Variants in SAMD8 observed in about 807,000 individuals in gnomAD.
SAMD8 encodes the protein sphingomyelin synthase-related protein 1.
Under a neutral mutation model 42.0 loss-of-function variants are expected in SAMD8, and 20 were observed. That is an observed-to-expected ratio of 0.48 (90% CI 0.34 to 0.69). The LOEUF is 0.69. Ranked by LOEUF, SAMD8 falls within the 30% of genes least tolerant of loss-of-function variation. The pLI is 0.01. For missense variants in SAMD8, 328 were observed against 511.6 expected, an observed-to-expected ratio of 0.64 and a Z score of 3.46; for synonymous variants, 162 against 173.0, an observed-to-expected ratio of 0.94 and a Z score of 0.50.
chr10:75,126,337 A>G (rs1849132931), intron 1 of SAMD8, among the ~76,000 whole-genome samples: 2 of 151,998 alleles, frequency 1.3e-5, no homozygotes, highest in African/African-American at 4.8e-5. Context: ...ACTAATTATG[A>G]CTCTCTTTAA....
At chr10:75,151,489 G>T (rs1402578797) in intron 2 of SAMD8, among the ~76,000 whole-genome samples, 1 of 151,828 alleles carries the variant, frequency 6.6e-6, no homozygotes, top group Non-Finnish European at 1.5e-5. Context: ...AGGAAACTGG[G>T]ACTGTAGACA....
intron 3 of SAMD8, among the ~76,000 whole-genome samples, chr10:75,165,897 G>A (rs1246930751): frequency 2.0e-5 from 3 of 147,572 alleles, no homozygotes; most frequent in African/African-American, 7.6e-5. Context: ...GATTGCTTGA[G>A]CCCAGGAGGT....
chr10:75,160,545 G>C (rs1380131087), intron 2 of SAMD8, among the ~76,000 whole-genome samples: 1 of 152,080 alleles, frequency 6.6e-6, no homozygotes, highest in Non-Finnish European at 1.5e-5. Context: ...ACATATCCAT[G>C]TATAATGCAT....
chr10:75,132,645 A>C (rs141493603), intron 1 of SAMD8, among the ~76,000 whole-genome samples: 2 of 152,270 alleles, frequency 1.3e-5, no homozygotes, highest in African/African-American at 4.8e-5. Context: ...GAAATATGTA[A>C]TAAAATCTTT....
At chr10:75,123,056 C>T (rs892804465) in intron 1 of SAMD8, among the ~76,000 whole-genome samples, 6 of 151,846 alleles carry the variant, frequency 4.0e-5, no homozygotes, top group African/African-American at 1.5e-4. Flanking sequence ...GGATATTGGC[C>T]CTTCTACAGA....
upstream of SAMD8, among the ~76,000 whole-genome samples, chr10:75,107,839 A>T (rs1848608705): frequency 1.3e-5 from 2 of 152,152 alleles, no homozygotes; most frequent in Admixed American, 1.3e-4. Context: ...GGCCTCCCAA[A>T]GTGCTAGGAT....
chr10:75,165,999 GA>G, intron 3 of SAMD8, among the ~76,000 whole-genome samples: 1 of 136,640 alleles, frequency 7.3e-6, no homozygotes, highest in East Asian at 2.1e-4. Flanking sequence ...AAAAAAAAAA[GA>G]AAGATTATTT....
Position 75,181,056 on chromosome 10 carries a change from G to A in SAMD8, c.*4364G>A, listed in dbSNP as rs1337747473. The A allele has an allele frequency of 6.6e-6, 1 of 152,042 alleles. No homozygotes were observed. Among genetic ancestry groups the A allele is most frequent in the East Asian group, 1.9e-4 (1 of 5,198 alleles). The allele number at this position is 152,042 out of a possible 1,614,324, so 9.4% of individuals were successfully genotyped here. A position where few individuals can be genotyped will look rare whatever the true frequency, so the allele number is the denominator to read the frequency against. On this transcript the variant is annotated 3_prime_UTR_variant, in exon 6 of 6. Transcript: ENST00000542569. Reference sequence around the variant, plus strand: ...AGACTTACATTTTCTTCATACTAAAGGTAATGATAATATAGTCATTTGCCA... The same window carrying A: ...AGACTTACATTTTCTTCATACTAAAAGTAATGATAATATAGTCATTTGCCA...
At position 75,168,633 on chromosome 10, in the gene SAMD8, G is replaced by T; in HGVS notation, c.767G>T (p.Gly256Val). The T allele has an allele frequency of 6.2e-7, 1 of 1,612,110 alleles. No individual in the cohort carries two copies. The highest frequency in any genetic ancestry group is 8.5e-7 in the Non-Finnish European group (1 of 1,178,222). The change falls in exon 4 of 6, where the codon GGA becomes GTA. Residue 256 changes from glycine (G) to valine (V), a missense_variant. Gly to Val is a moderately radical substitution (Grantham distance 109, BLOSUM62 -3). Coordinates refer to ENST00000542569, the MANE Select transcript of SAMD8 (RefSeq NM_001174156.2). The stretch of plus-strand genomic sequence containing the variant: ...TTTGTGACCTCCCTCTCCGTGCCAG[G>T]ACAACACCTGCAGTGTACTGGAAAG... ...TMFVTSLSVP[G>V]QHLQCTGKIY...
intron 2 of SAMD8, among the ~76,000 whole-genome samples, chr10:75,153,895 G>T (rs1004700792): frequency 6.6e-6 from 1 of 151,894 alleles, no homozygotes; most frequent in Non-Finnish European, 1.5e-5. Flanking sequence ...CTCCCAAGTA[G>T]CTGGGATTAC....
intron 4 of SAMD8, among the ~76,000 whole-genome samples, chr10:75,172,448 C>A (rs571923953): frequency 1.3e-5 from 2 of 151,920 alleles, no homozygotes; most frequent in East Asian, 3.9e-4. Flanking sequence ...AGTCCTCCTG[C>A]ATCAGCCTTC....
chr10:75,109,363 T>C, upstream of SAMD8: 1 of 473,152 alleles, frequency 2.1e-6, no homozygotes, highest in East Asian at 3.6e-5. Flanking sequence ...CAGAGAGACC[T>C]CTGCAAGTCA....
chr10:75,150,098 A>G (rs996469466), intron 1 of SAMD8, among the ~76,000 whole-genome samples: 1 of 147,312 alleles, frequency 6.8e-6, no homozygotes, highest in Non-Finnish European at 1.5e-5. Context: ...CTCTCTACAT[A>G]TATATATATA....
intron 1 of SAMD8, among the ~76,000 whole-genome samples, chr10:75,102,949 T>C (rs1848268581): frequency 6.6e-6 from 1 of 151,820 alleles, no homozygotes; most frequent in African/African-American, 2.4e-5. Context: ...CGAAACTCCG[T>C]CTCCAAAAAA....
chr10:75,143,072 G>A (rs1840057708), intron 1 of SAMD8, among the ~76,000 whole-genome samples: 1 of 152,208 alleles, frequency 6.6e-6, no homozygotes, highest in African/African-American at 2.4e-5. Context: ...ACTTTGGGAG[G>A]CCGAGGCGGG....
At chr10:75,138,289 G>A (rs1839936809) in intron 1 of SAMD8, among the ~76,000 whole-genome samples, 1 of 152,184 alleles carries the variant, frequency 6.6e-6, no homozygotes, top group Non-Finnish European at 1.5e-5. Context: ...GAGGTGATTC[G>A]TAGATGGCAG....
At chr10:75,161,443 CAG>C (rs1006677534) in intron 2 of SAMD8, among the ~76,000 whole-genome samples, 17 of 152,130 alleles carry the variant, frequency 1.1e-4, no homozygotes, top group African/African-American at 3.6e-4. Flanking sequence ...CAAAGCTTGA[CAG>C]AGCTCAGTCT....
intron 1 of SAMD8, among the ~76,000 whole-genome samples, chr10:75,115,888 C>T (rs183933902): frequency 1.8e-3 from 263 of 143,568 alleles, no homozygotes; most frequent in African/African-American, 6.5e-3. Context: ...TTGCAGTGAG[C>T]GGAGATCACA....
At position 75,164,677 on chromosome 10, in the gene SAMD8, C is replaced by T. The variant is rs778836045; in HGVS notation, c.611C>T (p.Thr204Met). 1.2e-6 allele frequency: 2 copies of T among 1,614,078 alleles called. No individual in the cohort carries two copies. Among genetic ancestry groups the T allele is most frequent in the Non-Finnish European group, 8.5e-7 (1 of 1,179,982 alleles). ...AGAATCCCATGGGCCTTTGCCATGACGGAAGTATGTGGCATGATTCTGTGC... is the reference window on the plus strand; with the variant it reads ...AGAATCCCATGGGCCTTTGCCATGATGGAAGTATGTGGCATGATTCTGTGC... ...VPRIPWAFAM[T>M]EVCGMILCYI... Residue 204 changes from threonine (T) to methionine (M), a missense_variant, in exon 3 of 6, where the codon ACG (threonine) becomes ATG (methionine). Thr to Met is a moderately conservative substitution (Grantham distance 81). Coordinates refer to ENST00000542569, the MANE Select transcript of SAMD8 (RefSeq NM_001174156.2).
Sources: allele counts gnomAD v4.1 joint callset (sites outside exome capture counted in the v4.1 genomes callset), GRCh38; gene constraint gnomAD v4.1.1; transcripts MANE v1.5; gene names NCBI Gene and HGNC (gene_info 2026-07-23, HGNC 2026-07-21).